KCND2: variants seen among roughly 807,000 people sequenced by gnomAD.
KCND2 encodes A-type voltage-gated potassium channel KCND2.
Under a neutral mutation model 54.4 loss-of-function variants are expected in KCND2, and 16 were observed. The observed-to-expected ratio is 0.29, with a 90% CI of 0.20 to 0.45. KCND2 has a LOEUF of 0.45. Among genes scored for constraint, KCND2 ranks in the 20% least tolerant of loss-of-function variants. The pLI is 1.00. For synonymous variants in KCND2, 317 were observed against 310.7 expected (o/e 1.02, Z -0.21); for missense variants, 486 against 824.2 (o/e 0.59, Z 5.02).
chr7:120,361,623 G>A (rs1584747087), intron 1 of KCND2, among the ~76,000 whole-genome samples: 1 of 152,018 alleles, frequency 6.6e-6, no homozygotes, highest in Non-Finnish European at 1.5e-5. Context: ...TGCATGTTAA[G>A]CATGTTGTGA....
intron 1 of KCND2, among the ~76,000 whole-genome samples, chr7:120,603,142 A>G (rs1381994463): frequency 6.6e-6 from 1 of 152,214 alleles, no homozygotes; most frequent in Non-Finnish European, 1.5e-5. Context: ...AGTTACTTAA[A>G]TCTCTGATTC....
intron 1 of KCND2, among the ~76,000 whole-genome samples, chr7:120,643,411 T>C (rs961663674): frequency 6.6e-6 from 1 of 152,158 alleles, no homozygotes; most frequent in Non-Finnish European, 1.5e-5. Context: ...CATAAAAATA[T>C]ATATATACTC....
At chr7:120,621,865 T>C (rs1487534964) in intron 1 of KCND2, among the ~76,000 whole-genome samples, 1 of 152,186 alleles carries the variant, frequency 6.6e-6, no homozygotes, top group Non-Finnish European at 1.5e-5. Flanking sequence ...AGGAGTAGTA[T>C]GAATAGGCCC....
chr7:120,405,974 T>A (rs912387620), intron 1 of KCND2, among the ~76,000 whole-genome samples: 3 of 152,012 alleles, frequency 2.0e-5, no homozygotes, highest in African/African-American at 7.2e-5. Flanking sequence ...GAAAATTCAT[T>A]TGTTTGTAGC....
intron 1 of KCND2, among the ~76,000 whole-genome samples, chr7:120,341,311 C>G (rs184839751): frequency 1.4e-4 from 21 of 152,238 alleles, no homozygotes; most frequent in African/African-American, 4.8e-4. Context: ...TAGGAGTCCT[C>G]TAACAATTTG....
chr7:120,595,933 G>A (rs1431704253), intron 1 of KCND2, among the ~76,000 whole-genome samples: 1 of 151,892 alleles, frequency 6.6e-6, no homozygotes, highest in Non-Finnish European at 1.5e-5. Context: ...CAGGAAGGAA[G>A]GGGAAATGGG....
At chr7:120,673,716 G>A (rs1160781081) in intron 1 of KCND2, among the ~76,000 whole-genome samples, 1 of 151,946 alleles carries the variant, frequency 6.6e-6, no homozygotes, top group Non-Finnish European at 1.5e-5. Context: ...GTTTTTCATA[G>A]CCTACAAAAT....
At chr7:120,397,993 G>A (rs201154569) in intron 1 of KCND2, among the ~76,000 whole-genome samples, 2,511 of 36,432 alleles carry the variant, frequency 0.069, 41 homozygotes, top group Non-Finnish European at 0.19. Flanking sequence ...GTGTGTGTGT[G>A]TGTATATATA....
intron 1 of KCND2, among the ~76,000 whole-genome samples, chr7:120,651,432 C>A (rs1791731960): frequency 6.6e-6 from 1 of 152,170 alleles, no homozygotes; most frequent in Admixed American, 6.5e-5. Flanking sequence ...GGGATATAAT[C>A]TCCTGGTGTG....
chr7:120,547,086 C>T (rs2116390099), intron 1 of KCND2, among the ~76,000 whole-genome samples: 1 of 151,550 alleles, frequency 6.6e-6, no homozygotes. Context: ...AGATTCAAAA[C>T]AATTAACTAA....
intron 1 of KCND2, among the ~76,000 whole-genome samples, chr7:120,381,722 A>G (rs1335586400): frequency 1.3e-5 from 2 of 152,086 alleles, no homozygotes; most frequent in African/African-American, 4.8e-5. Context: ...ATAAAGAAAC[A>G]AAGCATGCCA....
rs145368379 is a variant in KCND2 at position 120,366,341 on chromosome 7, T to C, written c.1115+90594T>C. Reference sequence around the variant, plus strand: ...CTCTATTGAAAATACAAAAAATAGCTGGACGTGGTGGCGCATGCCTGTATT... The same window carrying C: ...CTCTATTGAAAATACAAAAAATAGCCGGACGTGGTGGCGCATGCCTGTATT... On this transcript the variant is annotated intron_variant, in intron 1 of 5. Transcript: ENST00000331113. Among the ~76,000 whole-genome samples, 942 of 151,710 alleles carry C rather than the reference T, an allele frequency of 6.2e-3. 4 individuals carry two copies. Among genetic ancestry groups the C allele is most frequent in the African/African-American group, 0.021 (870 of 41,412 alleles).
intron 1 of KCND2, among the ~76,000 whole-genome samples, chr7:120,406,896 TG>T (rs1433575184): frequency 1.3e-5 from 2 of 152,032 alleles, no homozygotes; most frequent in African/African-American, 4.8e-5. Flanking sequence ...TGATGACTTT[TG>T]AATGCCTGGC....
At chr7:120,366,282 C>T (rs139604895) in intron 1 of KCND2, among the ~76,000 whole-genome samples, 51 of 152,046 alleles carry the variant, frequency 3.4e-4, no homozygotes, top group African/African-American at 1.2e-3. Flanking sequence ...GTGAGGAGTT[C>T]GAGACCAGCT....
chr7:120,602,735 G>T (rs1431259497), intron 1 of KCND2, among the ~76,000 whole-genome samples: 1 of 152,136 alleles, frequency 6.6e-6, no homozygotes, highest in Non-Finnish European at 1.5e-5. Flanking sequence ...ACTTCAGAAA[G>T]ACATTGGCTG....
At chr7:120,327,836 T>C (rs1242240073) in intron 1 of KCND2, among the ~76,000 whole-genome samples, 1 of 152,122 alleles carries the variant, frequency 6.6e-6, no homozygotes, top group African/African-American at 2.4e-5. Context: ...TTGGGATTTA[T>C]TTTTTAACTG....
chr7:120,383,068 T>C (rs1372698050), intron 1 of KCND2, among the ~76,000 whole-genome samples: 2 of 151,988 alleles, frequency 1.3e-5, no homozygotes, highest in Non-Finnish European at 2.9e-5. Flanking sequence ...AAGGCAAATT[T>C]CTCATGAAGA....
intron 1 of KCND2, among the ~76,000 whole-genome samples, chr7:120,558,783 C>G (rs775365772): frequency 6.6e-6 from 1 of 152,068 alleles, no homozygotes; most frequent in African/African-American, 2.4e-5. Flanking sequence ...TTGCCTGTTT[C>G]CTTAAAATAT....
At chr7:120,560,123 G>C (rs142774821) in intron 1 of KCND2, among the ~76,000 whole-genome samples, 1 of 152,042 alleles carries the variant, frequency 6.6e-6, no homozygotes, top group South Asian at 2.1e-4. Flanking sequence ...TTGTTGGGTC[G>C]TTCTCAGTTA....
Sources: allele counts gnomAD v4.1 joint callset (sites outside exome capture counted in the v4.1 genomes callset), GRCh38; gene constraint gnomAD v4.1.1; transcripts MANE v1.5; gene names NCBI Gene and HGNC (gene_info 2026-07-23, HGNC 2026-07-21).